The following PITPNM2 variants were observed in gnomAD, a reference collection of about 807,000 sequenced individuals.
PITPNM2 encodes membrane-associated phosphatidylinositol transfer protein 2.
Under a neutral mutation model 132.2 loss-of-function variants are expected in PITPNM2, and 35 were observed. The observed-to-expected ratio is 0.26, with a 90% CI of 0.20 to 0.35. PITPNM2 has a LOEUF of 0.35. Ranked by LOEUF, PITPNM2 falls within the 10% of genes least tolerant of loss-of-function variation. PITPNM2 has a pLI of 1.00. For missense variants in PITPNM2, 1,332 were observed against 1,912.0 expected (o/e 0.70, Z 5.66); for synonymous variants, 738 against 799.2 (o/e 0.92, Z 1.29).
At chr12:123,053,713 A>G (rs1476859338) in intron 2 of PITPNM2, among the ~76,000 whole-genome samples, 1 of 152,054 alleles carries the variant, frequency 6.6e-6, no homozygotes, top group Non-Finnish European at 1.5e-5. Flanking sequence ...GATTACAGGC[A>G]TGTGCCACCA....
chr12:123,015,500 A>G (rs568793715), intron 3 of PITPNM2, among the ~76,000 whole-genome samples: 1 of 152,360 alleles, frequency 6.6e-6, no homozygotes, highest in African/African-American at 2.4e-5. Context: ...AACATGTAAA[A>G]GAATGAAGCT....
In PITPNM2 at chr12:122,988,023, G is replaced by A; in HGVS notation, c.2998-122C>T. 4 of 988,418 alleles carry A rather than the reference G, an allele frequency of 4.0e-6. No individual in the cohort carries two copies. The South Asian group carries it at 4.5e-5, about 11-fold the overall frequency. The allele number at this position is 988,418 out of a possible 1,614,324, so 61.2% of individuals were successfully genotyped here. A position where few individuals can be genotyped will look rare whatever the true frequency, so the allele number is the denominator to read the frequency against. The stretch of plus-strand genomic sequence containing the variant: ...GCTGTGAGCTGCGCAGCCCATGTCT[G>A]AGTCTGGATCAGACACGATGACGTG... On this transcript the variant is annotated intron_variant, in intron 20 of 25. Coordinates refer to ENST00000320201, the MANE Select transcript of PITPNM2 (RefSeq NM_020845.3).
chr12:123,056,269 GAGA>G (rs1004468208), intron 2 of PITPNM2, among the ~76,000 whole-genome samples: 4 of 152,218 alleles, frequency 2.6e-5, no homozygotes, highest in Non-Finnish European at 4.4e-5. Context: ...GTACTCGTCT[GAGA>G]AGAAGAGCTA....
At position 122,986,194 on chromosome 12, in the gene PITPNM2, G is replaced by A. The variant is rs766131971; in HGVS notation, c.3883C>T (p.Arg1295Cys). 10 of 1,554,458 alleles carry A rather than the reference G, an allele frequency of 6.4e-6. No individual in the cohort carries two copies. Among genetic ancestry groups the A allele is most frequent in the African/African-American group, 2.7e-5 (2 of 73,764 alleles). The change falls in exon 26 of 26, where the codon CGC becomes TGC. Residue 1295 changes from arginine to cysteine, a missense_variant. Coordinates refer to ENST00000320201, the MANE Select transcript of PITPNM2 (RefSeq NM_020845.3). ...CCGCTGGGCTGGGCCGAGATGGTGC[G>A]AAGCAGGTGGTTCCGGGAGCGCAGA... ...DFLRSRNHLL[R>C]TISAQPSGPS...
Position 123,082,143 on chromosome 12 carries a change from AG to A in PITPNM2, c.-96+28241del, listed in dbSNP as rs1388793404. On this transcript the variant is annotated intron_variant, in intron 2 of 25. Transcript: ENST00000320201. This position sits in a 1 kb window ranked among gnomAD's most constrained non-coding sequence, Gnocchi z 5.4. ...GGCCTCTCTCCACCCACTCAGAGTG[AG>A]GGCCTGCAGGCTCTGCCCTGCCACC... Among the ~76,000 whole-genome samples the A allele has an allele frequency of 2.0e-5, 3 of 152,140 alleles. No homozygotes were observed. The highest frequency in any genetic ancestry group is 2.9e-5 in the Non-Finnish European group (2 of 68,012).
chr12:122,992,769 G>A lies in PITPNM2; in HGVS notation c.2234-100C>T. ...CTGGGCACTGGGTTGTCTGCTGAAA[G>A]TTAGGGATAAGATGGGGGGTGTGTC... On this transcript the variant is annotated intron_variant, in intron 15 of 25. Transcript: ENST00000320201. This position sits in a 1 kb window ranked among gnomAD's most constrained non-coding sequence, Gnocchi z 6.5. The A allele has an allele frequency of 1.1e-6, 1 of 880,688 alleles. No homozygotes were observed. Among genetic ancestry groups the A allele is most frequent in the South Asian group, 1.7e-5 (1 of 59,298 alleles). The allele number at this position is 880,688 out of a possible 1,614,324, so 54.6% of individuals were successfully genotyped here. A position where few individuals can be genotyped will look rare whatever the true frequency, so the allele number is the denominator to read the frequency against.
intron 1 of PITPNM2, among the ~76,000 whole-genome samples, chr12:123,119,355 A>ACTT (rs762896348): frequency 0.041 from 5,261 of 129,252 alleles, 572 homozygotes; most frequent in African/African-American, 0.14. Flanking sequence ...GAGGATGGTG[A>ACTT]TTTTTTTTTT....
At chr12:123,047,408 G>T (rs192959914) in intron 2 of PITPNM2, among the ~76,000 whole-genome samples, 30 of 152,234 alleles carry the variant, frequency 2.0e-4, no homozygotes, top group African/African-American at 6.7e-4. Flanking sequence ...AAATACAGGC[G>T]TCTTGGTTCC....
At chr12:123,051,516 C>T (rs953130093) in intron 2 of PITPNM2, among the ~76,000 whole-genome samples, 1 of 152,214 alleles carries the variant, frequency 6.6e-6, no homozygotes, top group African/African-American at 2.4e-5. Context: ...TTCTTTAGAG[C>T]TTTTAATTCT....
At chr12:123,024,829 G>A (rs994208688) in intron 3 of PITPNM2, among the ~76,000 whole-genome samples, 2 of 152,106 alleles carry the variant, frequency 1.3e-5, no homozygotes, top group Non-Finnish European at 2.9e-5. Context: ...TCTGGTGACG[G>A]TTGTACAACT....
At position 122,999,034 on chromosome 12, in the gene PITPNM2, C is replaced by T. The variant is rs183301627; in HGVS notation, c.1225-1462G>A. On this transcript the variant is annotated intron_variant, in intron 10 of 25. Coordinates refer to ENST00000320201, the MANE Select transcript of PITPNM2 (RefSeq NM_020845.3). ...GCTGAGGCAGGAAAATCGTTTGTAC[C>T]CAGGAGGCAGAGGTTGCAGTGAGCC... Among the ~76,000 whole-genome samples, 27 of 152,060 alleles carry T rather than the reference C, an allele frequency of 1.8e-4. No individual in the cohort carries two copies. The East Asian group carries it at 5.2e-3, about 29-fold the overall frequency.
rs1450783790 is a variant in PITPNM2, at chr12:122,984,908, G to A, written c.*1119C>T. On this transcript the variant is annotated 3_prime_UTR_variant, in exon 26 of 26. Transcript: ENST00000320201. ...GGTCCTTGTTCAGGCGAGAAATGAAGTCATGGCTGCCTGCCCTGAAGCTGA... is the reference window on the plus strand; with the variant it reads ...GGTCCTTGTTCAGGCGAGAAATGAAATCATGGCTGCCTGCCCTGAAGCTGA... The A allele has an allele frequency of 6.6e-6, 1 of 152,286 alleles. No individual in the cohort carries two copies. Among genetic ancestry groups the A allele is most frequent in the Non-Finnish European group, 1.5e-5 (1 of 68,062 alleles). The allele number at this position is 152,286 out of a possible 1,614,324, so 9.4% of individuals were successfully genotyped here. A position where few individuals can be genotyped will look rare whatever the true frequency, so the allele number is the denominator to read the frequency against.
Position 123,023,538 on chromosome 12 carries a change from G to A in PITPNM2, c.79-9496C>T, listed in dbSNP as rs149264900. Among the ~76,000 whole-genome samples, 34 of 152,318 alleles carry A rather than the reference G, an allele frequency of 2.2e-4. No homozygotes were observed. The South Asian group carries it at 3.9e-3, about 18-fold the overall frequency. Reference sequence around the variant, plus strand: ...AGCTGGAGGGTTAGAGGTAGCTGGCGAGGCAGAAGGGATTCTGGTGGGACT... The same window carrying A: ...AGCTGGAGGGTTAGAGGTAGCTGGCAAGGCAGAAGGGATTCTGGTGGGACT... On this transcript the variant is annotated intron_variant, in intron 3 of 25. Transcript: ENST00000320201. The surrounding 1 kb of genome is among the most constrained non-coding windows in gnomAD (Gnocchi z 4.8).
chr12:123,077,296 G>A lies in PITPNM2; in HGVS notation c.-96+33089C>T, dbSNP rs1486813053. 2.0e-5 allele frequency among the ~76,000 whole-genome samples: 3 copies of A among 152,140 alleles called. No homozygotes were observed. The highest frequency in any genetic ancestry group is 4.4e-5 in the Non-Finnish European group (3 of 68,018). On this transcript the variant is annotated intron_variant, in intron 2 of 25. Coordinates refer to ENST00000320201, the MANE Select transcript of PITPNM2 (RefSeq NM_020845.3). This position sits in a 1 kb window ranked among gnomAD's most constrained non-coding sequence, Gnocchi z 4.8. ...ATCGGGGTGGGGAGGGACACCCCTT[G>A]TTATCAGGGGTGGAGAGGGACAAAA...
intron 1 of PITPNM2, among the ~76,000 whole-genome samples, chr12:123,134,212 T>C (rs553140745): frequency 6.6e-6 from 1 of 152,202 alleles, no homozygotes; most frequent in South Asian, 2.1e-4. Flanking sequence ...TACAGACGCG[T>C]GCCACCACGC....
Position 123,150,329 on chromosome 12 carries a change from G to A in PITPNM2, c.-200+424C>T, listed in dbSNP as rs1352235765. On this transcript the variant is annotated intron_variant, in intron 1 of 25. Coordinates refer to ENST00000320201, the MANE Select transcript of PITPNM2 (RefSeq NM_020845.3). This position sits in a 1 kb window ranked among gnomAD's most constrained non-coding sequence, Gnocchi z 6.0. ...GCCTGGGGACGTTCAGCTGGAGGCG[G>A]GAAGCAGAGAAGGCGGGCCGGGGGC... Among the ~76,000 whole-genome samples, 1 of 152,082 alleles carries A rather than the reference G, an allele frequency of 6.6e-6. No homozygotes were observed. The highest frequency in any genetic ancestry group is 2.4e-5 in the African/African-American group (1 of 41,422).
At chr12:123,140,060 G>A (rs1343874418) in intron 1 of PITPNM2, among the ~76,000 whole-genome samples, 2 of 152,184 alleles carry the variant, frequency 1.3e-5, no homozygotes, top group Non-Finnish European at 2.9e-5. Context: ...TAAATCAAGA[G>A]GACAGCAACG....
chr12:123,143,614 T>TA (rs1370911649), intron 1 of PITPNM2, among the ~76,000 whole-genome samples: 7 of 152,122 alleles, frequency 4.6e-5, no homozygotes, highest in South Asian at 4.1e-4. Context: ...AACACCTCCG[T>TA]AAGAGGATTA....
chr12:123,057,056 GA>G (rs2041053947), intron 2 of PITPNM2, among the ~76,000 whole-genome samples: 2 of 152,082 alleles, frequency 1.3e-5, no homozygotes, highest in South Asian at 4.1e-4. Context: ...CCTAACCGGG[GA>G]GCATATCTTC....
Sources: gnomAD v4.1 joint callset for allele counts (sites outside exome capture counted in the v4.1 genomes callset) on GRCh38, gnomAD v4.1.1 for gene constraint, Gnocchi (gnomAD v3.1) non-coding constraint, MANE v1.5 for transcripts, NCBI Gene and HGNC (gene_info 2026-07-23, HGNC 2026-07-21) for gene names.